SNTG1: variants seen among roughly 807,000 people sequenced by gnomAD.
The protein encoded by SNTG1 is gamma-1-syntrophin.
A neutral mutation model predicts 74.7 loss-of-function variants in SNTG1; 39 were observed. That is an observed-to-expected ratio of 0.52 (90% CI 0.40 to 0.68). The LOEUF (loss-of-function observed/expected upper bound fraction) is 0.68, where lower values mean the gene tolerates loss of function less well. SNTG1 is among the 30% of genes least tolerant of loss of function. The pLI is 0.00. For synonymous variants in SNTG1, 254 were observed against 217.1 expected, an observed-to-expected ratio of 1.17 and a Z score of -1.49; for missense variants, 685 against 609.5, an observed-to-expected ratio of 1.12 and a Z score of -1.30.
intron 1 of SNTG1, among the ~76,000 whole-genome samples, chr8:49,916,310 C>G (rs1334808892): frequency 6.6e-6 from 1 of 151,950 alleles, no homozygotes; most frequent in East Asian, 1.9e-4. Flanking sequence ...TTGAATTATC[C>G]TTAAATTTTC....
chr8:50,761,504 AG>A (rs1563815514), intron 18 of SNTG1, among the ~76,000 whole-genome samples: 1 of 151,898 alleles, frequency 6.6e-6, no homozygotes, highest in African/African-American at 2.4e-5. Flanking sequence ...CCCTTCTCCA[AG>A]GTGAGTTAGG....
rs1349206424 is a variant in SNTG1 at position 50,544,419 on chromosome 8, C to A, written c.680+7611C>A. On this transcript the variant is annotated intron_variant, in intron 11 of 18. Coordinates refer to ENST00000642720, the MANE Select transcript of SNTG1 (RefSeq NM_018967.5). ...ATATTCTATTTTTAATCTTTCTTCT[C>A]ATTTCTTTCTTTTGGTTCTATTTTC... is the stretch of plus-strand genomic sequence containing the variant. Among the ~76,000 whole-genome samples the A allele has an allele frequency of 1.3e-5, 2 of 151,982 alleles. 1 individual carries two copies. The highest frequency in any genetic ancestry group is 6.3e-3 in the Middle Eastern group (2 of 316).
intron 15 of SNTG1, among the ~76,000 whole-genome samples, chr8:50,664,815 A>C (rs990781808): frequency 3.3e-5 from 5 of 152,226 alleles, no homozygotes; most frequent in African/African-American, 4.8e-5. Context: ...CAGAGCATAC[A>C]TGGGGAACAT....
chr8:50,294,547 C>T (rs146799524), intron 2 of SNTG1, among the ~76,000 whole-genome samples: 10 of 152,210 alleles, frequency 6.6e-5, no homozygotes, highest in African/African-American at 2.4e-4. Flanking sequence ...AGGTTGCATG[C>T]TGGCAGAATT....
At chr8:50,201,001 T>A (rs571975021) in intron 2 of SNTG1, among the ~76,000 whole-genome samples, 1 of 152,296 alleles carries the variant, frequency 6.6e-6, no homozygotes, top group East Asian at 1.9e-4. Flanking sequence ...AGGGGCTCAT[T>A]CATTGTCTTT....
chr8:50,430,431 C>G (rs995202523), intron 4 of SNTG1, among the ~76,000 whole-genome samples: 1 of 152,108 alleles, frequency 6.6e-6, no homozygotes, highest in African/African-American at 2.4e-5. Context: ...TAGTTCTTCT[C>G]TAACACAGAG....
intron 1 of SNTG1, among the ~76,000 whole-genome samples, chr8:49,964,207 A>G (rs546286361): frequency 1.3e-5 from 2 of 152,344 alleles, no homozygotes; most frequent in East Asian, 3.9e-4. Context: ...TTACTCTTCA[A>G]GTGGATGACC....
intron 15 of SNTG1, among the ~76,000 whole-genome samples, chr8:50,700,995 G>A (rs1385140233): frequency 6.6e-6 from 1 of 152,098 alleles, no homozygotes; most frequent in Non-Finnish European, 1.5e-5. Flanking sequence ...AGTTTTAAAA[G>A]AGCAAAGGAG....
chr8:50,012,642 C>A (rs981834222), intron 1 of SNTG1, among the ~76,000 whole-genome samples: 1 of 152,070 alleles, frequency 6.6e-6, no homozygotes, highest in African/African-American at 2.4e-5. Flanking sequence ...GTTTGTTACT[C>A]ACAGTTCCCT....
intron 11 of SNTG1, among the ~76,000 whole-genome samples, chr8:50,542,407 T>G (rs1585627947): frequency 6.6e-6 from 1 of 152,142 alleles, no homozygotes; most frequent in Admixed American, 6.6e-5. Flanking sequence ...TCCACCCGCC[T>G]CGGCCTCCTA....
chr8:50,470,381 C>G (rs916166519), intron 8 of SNTG1, among the ~76,000 whole-genome samples: 1 of 152,200 alleles, frequency 6.6e-6, no homozygotes, highest in Non-Finnish European at 1.5e-5. Context: ...TGCAGACCCT[C>G]ACGGTGAGTG....
intron 2 of SNTG1, among the ~76,000 whole-genome samples, chr8:50,383,056 T>C (rs2092515761): frequency 6.6e-6 from 1 of 152,212 alleles, no homozygotes; most frequent in Non-Finnish European, 1.5e-5. Flanking sequence ...CACATTAAAA[T>C]ACCTCCACAG....
At chr8:50,288,448 T>C (rs533653531) in intron 2 of SNTG1, among the ~76,000 whole-genome samples, 15 of 152,322 alleles carry the variant, frequency 9.8e-5, no homozygotes, top group Non-Finnish European at 2.2e-4. Context: ...GGTAAAGACA[T>C]CTACTATATT....
chr8:49,984,939 T>C (rs1025799518), intron 1 of SNTG1, among the ~76,000 whole-genome samples: 6 of 140,968 alleles, frequency 4.3e-5, no homozygotes, highest in African/African-American at 1.5e-4. Flanking sequence ...TTGGAGTATG[T>C]TTTTTTTACC....
In SNTG1 at chr8:50,436,042, G is replaced by A. The variant is rs146164126; in HGVS notation, c.163-2501G>A. ...AGCTATTGAGCAGCAATTACTGACC[G>A]AGTTTTCCTCATGGCCAATTATTGC... is the stretch of plus-strand genomic sequence containing the variant. On this transcript the variant is annotated intron_variant, in intron 4 of 18. Coordinates refer to ENST00000642720, the MANE Select transcript of SNTG1 (RefSeq NM_018967.5). Among the ~76,000 whole-genome samples the A allele has an allele frequency of 2.5e-3, 373 of 152,208 alleles. 5 individuals carry two copies. The highest frequency in any genetic ancestry group is 8.5e-3 in the African/African-American group (352 of 41,544).
At chr8:50,320,793 C>T (rs142086484) in intron 2 of SNTG1, among the ~76,000 whole-genome samples, 4,480 of 152,036 alleles carry the variant, frequency 0.029, 98 homozygotes, top group Middle Eastern at 0.068. Flanking sequence ...AGGATCATAT[C>T]GTTTCATTTT....
chr8:50,172,143 A>G (rs2082829357), intron 1 of SNTG1, among the ~76,000 whole-genome samples: 1 of 152,232 alleles, frequency 6.6e-6, no homozygotes, highest in African/African-American at 2.4e-5. Flanking sequence ...TAAAAAAGTA[A>G]TCACTTCTTG....
At chr8:50,739,858 A>G (rs1480209784) in intron 17 of SNTG1, among the ~76,000 whole-genome samples, 1 of 152,074 alleles carries the variant, frequency 6.6e-6, no homozygotes, top group East Asian at 1.9e-4. Context: ...CAAACCTGAC[A>G]AAAACAATCA....
intron 1 of SNTG1, among the ~76,000 whole-genome samples, chr8:49,952,391 T>G (rs930355985): frequency 6.6e-6 from 1 of 151,890 alleles, no homozygotes; most frequent in South Asian, 2.1e-4. Context: ...TAAACCATGG[T>G]GAGAGGCATA....
Sources: allele counts gnomAD v4.1 joint callset (sites outside exome capture counted in the v4.1 genomes callset), GRCh38; gene constraint gnomAD v4.1.1; transcripts MANE v1.5; gene names NCBI Gene and HGNC (gene_info 2026-07-23, HGNC 2026-07-21).